MYL11: variants seen among roughly 807,000 people sequenced by gnomAD.
MYL11 encodes myosin regulatory light chain 11.
chr16:30,377,844 G>C, the MYL11 span: 1 of 1,614,116 alleles, frequency 6.2e-7, no homozygotes, highest in South Asian at 1.1e-5. Flanking sequence ...CGGCAACGTC[G>C]ACTACAAAAA....
chr16:30,376,227 C>T, the MYL11 span: 14 of 1,613,356 alleles, frequency 8.7e-6, no homozygotes, highest in South Asian at 1.2e-4. Context: ...ATGGGTGAGC[C>T]CCCTACCCCC....
the MYL11 span, chr16:30,376,387 C>T: frequency 5.0e-6 from 8 of 1,591,322 alleles, no homozygotes; most frequent in Non-Finnish European, 6.9e-6. Context: ...GCCCCAGGAG[C>T]CTGCTCCAGC....
the MYL11 span, among the ~76,000 whole-genome samples, chr16:30,371,348 CTG>C: frequency 6.6e-6 from 1 of 152,170 alleles, no homozygotes; most frequent in African/African-American, 2.4e-5. Flanking sequence ...GCCCCACACT[CTG>C]GTGGTCTGTG....
At chr16:30,374,710 TG>T in the MYL11 span, 2 of 961,486 alleles carry the variant, frequency 2.1e-6, no homozygotes, top group African/African-American at 1.7e-5. Context: ...TTTTGGTATC[TG>T]GGGTGGGCAC....
the MYL11 span, among the ~76,000 whole-genome samples, chr16:30,373,583 G>A: frequency 8.8e-5 from 13 of 147,332 alleles, no homozygotes; most frequent in Non-Finnish European, 1.3e-4. Flanking sequence ...ATAACAAAAC[G>A]AGACTTCATC....
the MYL11 span, chr16:30,377,636 T>A: frequency 1.8e-5 from 27 of 1,486,184 alleles, no homozygotes; most frequent in Non-Finnish European, 2.4e-5. Flanking sequence ...CAACTCCCCT[T>A]GTGTCACCTC....
At chr16:30,374,919 C>A in the MYL11 span, 1 of 1,584,876 alleles carries the variant, frequency 6.3e-7, no homozygotes, top group African/African-American at 1.4e-5. Flanking sequence ...CAGCCTCACC[C>A]TTTGAAAGAA....
the MYL11 span, chr16:30,376,076 C>A: frequency 1.9e-6 from 3 of 1,558,322 alleles, no homozygotes; most frequent in Admixed American, 5.2e-5. Flanking sequence ...AGCATCTGAT[C>A]CTCCTGGGGT....
chr16:30,376,598 A>C, the MYL11 span: 1 of 1,614,078 alleles, frequency 6.2e-7, no homozygotes, highest in Non-Finnish European at 8.5e-7. Context: ...CATCAGCTTC[A>C]TGTGCCCTCT....
the MYL11 span, chr16:30,374,771 C>A: frequency 6.5e-7 from 1 of 1,544,346 alleles, no homozygotes; most frequent in South Asian, 1.2e-5. Flanking sequence ...TGGGGCAGGA[C>A]TATATAACCC....
chr16:30,374,506 T>C, the MYL11 span, among the ~76,000 whole-genome samples: 1 of 152,154 alleles, frequency 6.6e-6, no homozygotes. Flanking sequence ...GGTTCATTTA[T>C]CTCCCAGAAT....
chr16:30,376,216 C>T, the MYL11 span: 3 of 1,613,866 alleles, frequency 1.9e-6, no homozygotes, highest in Non-Finnish European at 2.5e-6. Context: ...CCTTCGCAGC[C>T]ATGGGTGAGC....
chr16:30,373,362 G>A, the MYL11 span, among the ~76,000 whole-genome samples: 3 of 152,094 alleles, frequency 2.0e-5, no homozygotes, highest in East Asian at 1.9e-4. Context: ...TTGGGAGGCC[G>A]AGGCAGGCAG....
chr16:30,375,633 A>C, the MYL11 span, among the ~76,000 whole-genome samples: 16 of 152,274 alleles, frequency 1.1e-4, no homozygotes, highest in African/African-American at 3.6e-4. Flanking sequence ...CAGGAGCCAC[A>C]GACGGGAATT....
the MYL11 span, chr16:30,375,934 CTG>C: frequency 6.2e-7 from 1 of 1,611,140 alleles, no homozygotes; most frequent in African/African-American, 1.3e-5. Context: ...GACGGGGAAA[CTG>C]GAAGGCTGAC....
chr16:30,374,129 G>A, the MYL11 span, among the ~76,000 whole-genome samples: 17 of 151,932 alleles, frequency 1.1e-4, no homozygotes, highest in African/African-American at 3.1e-4. Flanking sequence ...TGGCCGACAC[G>A]GTGAAACCCT....
At chr16:30,373,779 A>G in the MYL11 span, among the ~76,000 whole-genome samples, 1 of 150,814 alleles carries the variant, frequency 6.6e-6, no homozygotes, top group Non-Finnish European at 1.5e-5. Context: ...AAAAAAAAAG[A>G]AAGAAAAGAA....
chr16:30,371,000 A>T, the MYL11 span: 1 of 152,288 alleles, frequency 6.6e-6, no homozygotes, highest in Non-Finnish European at 1.5e-5. Flanking sequence ...AGGTCTCCCA[A>T]AATGGTCAGT....
chr16:30,375,174 T>C, the MYL11 span, among the ~76,000 whole-genome samples: 1 of 152,080 alleles, frequency 6.6e-6, no homozygotes, highest in African/African-American at 2.4e-5. Flanking sequence ...AATGAGAAAG[T>C]AGAGGCTCAG....
Sources: allele counts gnomAD v4.1 joint callset (sites outside exome capture counted in the v4.1 genomes callset), GRCh38; gene constraint gnomAD v4.1.1; transcripts MANE v1.5; gene names NCBI Gene and HGNC (gene_info 2026-07-23, HGNC 2026-07-21).